The following ACTR1A variants were observed in gnomAD, a reference collection of about 807,000 sequenced individuals.
The protein encoded by ACTR1A is alpha-centractin.
In ACTR1A, 10 loss-of-function variants were observed where a neutral mutation model predicts 50.7. That is an observed-to-expected ratio of 0.20 (90% CI 0.12 to 0.33). The LOEUF (loss-of-function observed/expected upper bound fraction) is 0.33. Ranked by LOEUF, ACTR1A falls within the 10% of genes least tolerant of loss-of-function variation. The probability of loss-of-function intolerance (pLI) is 1.00; values close to 1 mark genes in which losing one functional copy is unlikely to be tolerated. For synonymous variants in ACTR1A, 177 were observed against 184.2 expected (o/e 0.96, Z 0.32); for missense variants, 253 against 491.7 (o/e 0.51, Z 4.59).
rs762043486 is a variant in ACTR1A at position 102,502,669 on chromosome 10, G to A, written c.-22C>T. 2.5e-6 allele frequency: 4 copies of A among 1,613,818 alleles called. No individual in the cohort carries two copies. In the South Asian group the frequency reaches 3.3e-5, roughly 13 times the overall value. On this transcript the variant is annotated 5_prime_UTR_variant, in exon 1 of 11. Coordinates refer to ENST00000369905, the MANE Select transcript of ACTR1A (RefSeq NM_005736.4). ...CCATGGCAGAGGAATCTCTCCTTCTGGGGAAGGAACTGCCCAGCCGGGTCC... is the reference window on the plus strand; with the variant it reads ...CCATGGCAGAGGAATCTCTCCTTCTAGGGAAGGAACTGCCCAGCCGGGTCC...
chr10:102,496,704 A>G (rs2062224037), intron 1 of ACTR1A, among the ~76,000 whole-genome samples: 1 of 152,214 alleles, frequency 6.6e-6, no homozygotes, highest in East Asian at 1.9e-4. Flanking sequence ...AGCTAATTCT[A>G]GTGTCCCTAA....
At chr10:102,497,817 G>C (rs1326565544) in intron 1 of ACTR1A, among the ~76,000 whole-genome samples, 2 of 151,744 alleles carry the variant, frequency 1.3e-5, no homozygotes, top group African/African-American at 4.8e-5. Context: ...GGGTTGCCAG[G>C]CACAGTGGCT....
Position 102,488,987 on chromosome 10 carries a change from T to C in ACTR1A, c.189+76A>G. The stretch of plus-strand genomic sequence containing the variant: ...TTTTACTTATGGGTATGTCCAAATG[T>C]TGGGACATGTTCCATGTGGTGAATA... On this transcript the variant is annotated intron_variant, in intron 3 of 10. Transcript: ENST00000369905. The surrounding 1 kb of genome is among the most constrained non-coding windows in gnomAD (Gnocchi z 4.4). The C allele has an allele frequency of 1.8e-6, 2 of 1,141,124 alleles. 1 individual carries two copies. The highest frequency in any genetic ancestry group is 4.3e-5 in the South Asian group (2 of 46,464). 70.7% of individuals were successfully genotyped at this position (1,141,124 alleles called of 1,614,324 possible).
At chr10:102,492,303 T>C (rs1312449278) in intron 1 of ACTR1A, among the ~76,000 whole-genome samples, 2 of 151,726 alleles carry the variant, frequency 1.3e-5, no homozygotes, top group African/African-American at 4.8e-5. Flanking sequence ...ACTCCTGACC[T>C]TGTGATCCAC....
chr10:102,481,327 T>C (rs180731618), intron 9 of ACTR1A, among the ~76,000 whole-genome samples, 155 bp from the exon 10 acceptor site: 3 of 152,296 alleles, frequency 2.0e-5, no homozygotes, highest in East Asian at 3.9e-4. Context: ...CTGCCACTCA[T>C]CTGGGGAAGC....
At position 102,502,697 on chromosome 10, in the gene ACTR1A, C is replaced by A. The variant is rs200050539; in HGVS notation, c.-50G>T. 3.5e-5 allele frequency: 57 copies of A among 1,606,368 alleles called. No homozygotes were observed. In the South Asian group the frequency reaches 4.2e-4, roughly 12 times the overall value. ...GAAGGAACTGCCCAGCCGGGTCCGC[C>A]GCTAGCGCCACTGACACGCATGCGC... On this transcript the variant is annotated 5_prime_UTR_variant, in exon 1 of 11. Coordinates refer to ENST00000369905, the MANE Select transcript of ACTR1A (RefSeq NM_005736.4).
At chr10:102,494,242 C>T (rs2062208771) in intron 1 of ACTR1A, among the ~76,000 whole-genome samples, 1 of 152,220 alleles carries the variant, frequency 6.6e-6, no homozygotes, top group African/African-American at 2.4e-5. Context: ...TGCCTATAAT[C>T]CAAGCACTTA....
intron 1 of ACTR1A, among the ~76,000 whole-genome samples, chr10:102,501,112 C>T (rs73336656): frequency 0.051 from 7,800 of 151,460 alleles, 675 homozygotes; most frequent in African/African-American, 0.18. Flanking sequence ...TCTCATTGAG[C>T]TCAATCCTGC....
At chr10:102,498,566 A>G (rs2062233257) in intron 1 of ACTR1A, among the ~76,000 whole-genome samples, 1 of 151,530 alleles carries the variant, frequency 6.6e-6, no homozygotes, top group Non-Finnish European at 1.5e-5. Flanking sequence ...GCAGCCTCAA[A>G]CTCCTGGGCT....
chr10:102,493,054 T>TGAGAG, intron 1 of ACTR1A, among the ~76,000 whole-genome samples: 1 of 136,900 alleles, frequency 7.3e-6, no homozygotes, highest in Non-Finnish European at 1.5e-5. Context: ...GAAAGTGGTA[T>TGAGAG]GAGAGGAGAG....
chr10:102,496,239 G>A (rs2062222072), intron 1 of ACTR1A, among the ~76,000 whole-genome samples: 1 of 152,224 alleles, frequency 6.6e-6, no homozygotes, highest in Non-Finnish European at 1.5e-5. Context: ...CGGTATTCCT[G>A]CATGGGGACA....
chr10:102,492,916 C>T lies in ACTR1A; in HGVS notation c.49-2303G>A, dbSNP rs140600029. 2.2e-3 allele frequency among the ~76,000 whole-genome samples: 323 copies of T among 145,498 alleles called. 1 individual carries two copies. Among genetic ancestry groups the T allele is most frequent in the African/African-American group, 7.5e-3 (294 of 39,344 alleles). ...CTCAGGGAGGCTGAGGCAGGAGAAT[C>T]ACTTGAACCCAGGAGGTGGAGGTTG... On this transcript the variant is annotated intron_variant, in intron 1 of 10. Coordinates refer to ENST00000369905, the MANE Select transcript of ACTR1A (RefSeq NM_005736.4).
chr10:102,490,715 G>A (rs1589962734), intron 1 of ACTR1A, 102 bp from the exon 2 acceptor site: 12 of 942,396 alleles, frequency 1.3e-5, no homozygotes, highest in South Asian at 2.9e-5. Context: ...GAAAGCGGCC[G>A]GGCGCAGTGG....
chr10:102,500,267 C>G (rs960830126), intron 1 of ACTR1A, among the ~76,000 whole-genome samples: 1 of 152,104 alleles, frequency 6.6e-6, no homozygotes, highest in Non-Finnish European at 1.5e-5. Context: ...AACCCCATCT[C>G]TACTAAAAAT....
At chr10:102,500,596 C>CA (rs1194224795) in intron 1 of ACTR1A, among the ~76,000 whole-genome samples, 5 of 131,344 alleles carry the variant, frequency 3.8e-5, no homozygotes, top group African/African-American at 1.8e-4. Flanking sequence ...AACAAACAAA[C>CA]AAACAAACAA....
chr10:102,481,274 C>T (rs2062139800), intron 9 of ACTR1A, 102 bp from the exon 10 acceptor site: 2 of 1,332,844 alleles, frequency 1.5e-6, no homozygotes, highest in African/African-American at 1.5e-5. Flanking sequence ...ACATTTTACA[C>T]AAGCCTGAAG....
chr10:102,492,261 A>G (rs2062198436), intron 1 of ACTR1A, among the ~76,000 whole-genome samples: 1 of 144,832 alleles, frequency 6.9e-6, no homozygotes. Flanking sequence ...AGTGGAGATG[A>G]GGGTTCACCG....
chr10:102,501,711 C>T (rs2062252704), intron 1 of ACTR1A, among the ~76,000 whole-genome samples: 1 of 152,202 alleles, frequency 6.6e-6, no homozygotes, highest in Non-Finnish European at 1.5e-5. Context: ...TCAGTTTTCT[C>T]ATCGGTAACA....
intron 1 of ACTR1A, among the ~76,000 whole-genome samples, chr10:102,492,294 C>A (rs2062198616): frequency 6.6e-6 from 1 of 151,962 alleles, no homozygotes; most frequent in African/African-American, 2.4e-5. Context: ...TGGTCTCGAA[C>A]TCCTGACCTT....
Sources: allele counts gnomAD v4.1 joint callset (sites outside exome capture counted in the v4.1 genomes callset), GRCh38; gene constraint gnomAD v4.1.1; non-coding constraint Gnocchi (gnomAD v3.1); transcripts MANE v1.5; gene names NCBI Gene and HGNC (gene_info 2026-07-23, HGNC 2026-07-21).